The following ADK variants were observed in gnomAD, a reference collection of about 807,000 sequenced individuals.
ADK encodes N6,N6-dimethyladenosine kinase.
A neutral mutation model predicts 44.7 loss-of-function variants in ADK; 24 were observed. The observed-to-expected ratio is 0.54, with a 90% CI of 0.39 to 0.76. ADK has a LOEUF of 0.76. ADK is among the 30% of genes least tolerant of loss of function. ADK has a pLI of 0.00. For missense variants in ADK, 321 were observed against 425.1 expected, an observed-to-expected ratio of 0.76 and a Z score of 2.15; for synonymous variants, 128 against 142.6, an observed-to-expected ratio of 0.90 and a Z score of 0.73.
intron 10 of ADK, among the ~76,000 whole-genome samples, chr10:74,683,910 GT>G (rs1470901576): frequency 6.6e-6 from 1 of 152,184 alleles, no homozygotes; most frequent in African/African-American, 2.4e-5. Context: ...AGCTCTCTAG[GT>G]TTAACTGAGT....
chr10:74,201,727 TC>T (rs1843402087), intron 2 of ADK, among the ~76,000 whole-genome samples: 1 of 150,098 alleles, frequency 6.7e-6, no homozygotes, highest in Admixed American at 6.6e-5. Flanking sequence ...TATCTATCTA[TC>T]TATATATGGT....
At chr10:74,601,582 T>C (rs1336438665) in intron 9 of ADK, among the ~76,000 whole-genome samples, 2 of 152,160 alleles carry the variant, frequency 1.3e-5, no homozygotes, top group East Asian at 3.8e-4. Flanking sequence ...AGACTGGTAA[T>C]GAATTAATTG....
rs558612260 is a variant in ADK at position 74,645,157 on chromosome 10, AC to A, written c.878-25021del. On this transcript the variant is annotated intron_variant, in intron 9 of 10. Transcript: ENST00000539909. ...CTAATTGTTTAATTGTCCATCCCCT[AC>A]CCCCTGCCCCAAGGCAAATGTACTG... 4.0e-3 allele frequency among the ~76,000 whole-genome samples: 610 copies of A among 151,958 alleles called. 1 individual carries two copies. The highest frequency in any genetic ancestry group is 0.014 in the African/African-American group (573 of 41,424).
intron 1 of ADK, among the ~76,000 whole-genome samples, chr10:74,153,435 A>G (rs771021862): frequency 5.1e-4 from 78 of 152,228 alleles, no homozygotes; most frequent in Admixed American, 1.1e-3. Flanking sequence ...TTCTAGAGGG[A>G]GCATCTGACA....
chr10:74,505,515 C>G (rs991352718), intron 6 of ADK, among the ~76,000 whole-genome samples: 1 of 147,796 alleles, frequency 6.8e-6, no homozygotes, highest in Non-Finnish European at 1.5e-5. Flanking sequence ...AACTTCCCCC[C>G]ACTTTTTTTT....
intron 1 of ADK, among the ~76,000 whole-genome samples, chr10:74,188,912 A>G (rs1045514185): frequency 6.6e-6 from 1 of 151,976 alleles, no homozygotes; most frequent in African/African-American, 2.4e-5. Context: ...AGCTGGGACT[A>G]TAGGCGTGCA....
chr10:74,327,818 T>C (rs550139966), intron 4 of ADK, among the ~76,000 whole-genome samples: 42 of 152,354 alleles, frequency 2.8e-4, no homozygotes, highest in African/African-American at 9.6e-4. Flanking sequence ...TATTTGCTTA[T>C]ATCAGGTTAT....
At chr10:74,653,478 T>G (rs1342889544) in intron 9 of ADK, among the ~76,000 whole-genome samples, 1 of 151,920 alleles carries the variant, frequency 6.6e-6, no homozygotes, top group African/African-American at 2.4e-5. Context: ...AGGAATAACA[T>G]GCGTATGATC....
chr10:74,626,430 T>C (rs1455040622), intron 9 of ADK, among the ~76,000 whole-genome samples: 2 of 151,930 alleles, frequency 1.3e-5, no homozygotes, highest in Admixed American at 6.6e-5. Context: ...CTCTTCCAAG[T>C]AGCTGGAACT....
intron 9 of ADK, among the ~76,000 whole-genome samples, chr10:74,658,265 T>C (rs538017411): frequency 1.3e-5 from 2 of 152,278 alleles, no homozygotes; most frequent in East Asian, 1.9e-4. Context: ...GAAAAAAATA[T>C]TGCCTTTTCT....
intron 9 of ADK, among the ~76,000 whole-genome samples, chr10:74,606,315 TC>T (rs1165853641): frequency 6.6e-6 from 1 of 152,218 alleles, no homozygotes; most frequent in African/African-American, 2.4e-5. Flanking sequence ...CTTCTCTAGT[TC>T]TTTTAATTGT....
At chr10:74,689,829 C>A (rs540290855) in intron 10 of ADK, among the ~76,000 whole-genome samples, 114 of 152,314 alleles carry the variant, frequency 7.5e-4, no homozygotes, top group African/African-American at 2.7e-3. Context: ...CACATCAAAT[C>A]AACAAACTTG....
At chr10:74,463,773 C>T (rs1047434654) in intron 6 of ADK, among the ~76,000 whole-genome samples, 2 of 152,082 alleles carry the variant, frequency 1.3e-5, no homozygotes, top group Non-Finnish European at 2.9e-5. Context: ...GTCGTCTTTA[C>T]CACCAAATTT....
At chr10:74,450,529 A>C (rs1388146630) in intron 6 of ADK, among the ~76,000 whole-genome samples, 2 of 152,234 alleles carry the variant, frequency 1.3e-5, no homozygotes, top group Non-Finnish European at 2.9e-5. Context: ...AAGAGATCCA[A>C]ATTTAATTTT....
At chr10:74,269,449 G>T (rs1326948913) in intron 3 of ADK, among the ~76,000 whole-genome samples, 2 of 152,108 alleles carry the variant, frequency 1.3e-5, no homozygotes, top group South Asian at 2.1e-4. Flanking sequence ...AACATATAAA[G>T]AACTTATTTT....
intron 6 of ADK, among the ~76,000 whole-genome samples, chr10:74,441,759 A>G (rs1340729927): frequency 2.6e-5 from 4 of 152,206 alleles, no homozygotes; most frequent in Non-Finnish European, 5.9e-5. Flanking sequence ...AGGAGACAAC[A>G]AAAGAAAAGG....
intron 3 of ADK, among the ~76,000 whole-genome samples, chr10:74,258,952 T>G (rs957242440): frequency 1.7e-5 from 2 of 121,154 alleles, no homozygotes; most frequent in Admixed American, 7.6e-5. Context: ...TTTGTGTTTT[T>G]TTTTTTTTTT....
At chr10:74,180,615 C>T (rs1360601203) in intron 1 of ADK, among the ~76,000 whole-genome samples, 1 of 136,436 alleles carries the variant, frequency 7.3e-6, no homozygotes, top group African/African-American at 3.7e-5. Flanking sequence ...CCCGCCACCA[C>T]GCCCAGCTAA....
At chr10:74,338,870 T>G (rs1841495796) in intron 4 of ADK, among the ~76,000 whole-genome samples, 1 of 152,194 alleles carries the variant, frequency 6.6e-6, no homozygotes, top group East Asian at 1.9e-4. Context: ...AGTACATGAA[T>G]CTTTACAGCT....
Sources: gnomAD v4.1 joint callset for allele counts (sites outside exome capture counted in the v4.1 genomes callset) on GRCh38, gnomAD v4.1.1 for gene constraint, MANE v1.5 for transcripts, NCBI Gene and HGNC (gene_info 2026-07-23, HGNC 2026-07-21) for gene names.